SMPDL3B: variants seen among roughly 807,000 people sequenced by gnomAD.
SMPDL3B encodes sphingomyelin phosphodiesterase acid like 3B.
SMPDL3B carries 31 observed loss-of-function variants against 37.9 expected under a neutral mutation model. The observed-to-expected ratio is 0.82, with a 90% confidence interval of 0.61 to 1.10. The LOEUF (loss-of-function observed/expected upper bound fraction) is 1.10. Ranked by LOEUF, SMPDL3B falls within the 50% of genes least tolerant of loss-of-function variation. SMPDL3B has a pLI of 0.00. For missense variants in SMPDL3B, 525 were observed against 597.8 expected (o/e 0.88, Z 1.27); for synonymous variants, 235 against 242.6 (o/e 0.97, Z 0.29).
Position 27,945,217 on chromosome 1 carries a change from T to A in SMPDL3B, c.62-15T>A. 6.2e-7 allele frequency: 1 copy of A among 1,612,932 alleles called. No individual in the cohort carries two copies. Among genetic ancestry groups the A allele is most frequent in the Non-Finnish European group, 8.5e-7 (1 of 1,179,020 alleles). ...GAGAGACCAGCTTTGAAGGAGGATG[T>A]TTTTTCCCCTGCAGGGAAGTTCTGG... On this transcript the variant is annotated splice_polypyrimidine_tract_variant and intron_variant, in intron 1 of 7. Transcript: ENST00000373894. This position sits in a 1 kb window ranked among gnomAD's most constrained non-coding sequence, Gnocchi z 4.0.
Position 27,945,548 on chromosome 1 carries a change from A to G in SMPDL3B, c.275+103A>G. On this transcript the variant is annotated intron_variant, in intron 2 of 7. Coordinates refer to ENST00000373894, the MANE Select transcript of SMPDL3B (RefSeq NM_014474.4). This position sits in a 1 kb window ranked among gnomAD's most constrained non-coding sequence, Gnocchi z 4.0. ...CATTATCTCCCTTAATCCTCACATC[A>G]GTCTCACGTGAGGCTGAGGAACCTA... 1 of 955,256 alleles carries G rather than the reference A, an allele frequency of 1.0e-6. No individual in the cohort carries two copies. Among genetic ancestry groups the G allele is most frequent in the South Asian group, 1.4e-5 (1 of 70,346 alleles). The allele number at this position is 955,256 out of a possible 1,614,324, so 59.2% of individuals were successfully genotyped here.
chr1:27,935,742 G>T (rs890512893), intron 1 of SMPDL3B, among the ~76,000 whole-genome samples: 1 of 152,238 alleles, frequency 6.6e-6, no homozygotes, highest in Non-Finnish European at 1.5e-5. Context: ...AAGGCGGGTT[G>T]TGGGGAGGGG....
intron 3 of SMPDL3B, among the ~76,000 whole-genome samples, chr1:27,950,003 C>T (rs181076225): frequency 6.6e-6 from 1 of 152,298 alleles, no homozygotes; most frequent in East Asian, 1.9e-4. Context: ...CCTTCACTGT[C>T]ACCATAAGCC....
In SMPDL3B at chr1:27,954,438, A is replaced by G. The variant is rs758161657; in HGVS notation, c.602A>G (p.Asn201Ser). 29 of 1,614,116 alleles carry G rather than the reference A, an allele frequency of 1.8e-5. No homozygotes were observed. In the South Asian group the frequency reaches 3.1e-4, roughly 17 times the overall value. ...VLNTNLYYTS[N>S]ALTADMADPG... The stretch of plus-strand genomic sequence containing the variant: ...AACACCAATCTGTACTATACCAGCA[A>G]TGCGCTGACAGCAGACATGGCGGAC... Residue 201 changes from asparagine (N) to serine (S), a missense_variant, in exon 5 of 8, where the codon AAT (asparagine) becomes AGT (serine). Asn to Ser is a conservative substitution (Grantham distance 46). Transcript: ENST00000373894.
intron 4 of SMPDL3B, among the ~76,000 whole-genome samples, chr1:27,953,742 C>T (rs535049588): frequency 1.4e-4 from 22 of 152,242 alleles, no homozygotes; most frequent in Non-Finnish European, 2.6e-4. Flanking sequence ...ACAACTGCCA[C>T]GTGTGTTGCA....
At chr1:27,940,600 G>A (rs577471523) in intron 1 of SMPDL3B, among the ~76,000 whole-genome samples, 1 of 152,270 alleles carries the variant, frequency 6.6e-6, no homozygotes, top group South Asian at 2.1e-4. Context: ...TCCCAGGTCT[G>A]TGGCCTCAGC....
At chr1:27,956,500 T>C (rs1390253675) in intron 7 of SMPDL3B, 20 of 1,119,956 alleles carry the variant, frequency 1.8e-5, no homozygotes, top group Non-Finnish European at 1.5e-5. Context: ...TCCCACAGTC[T>C]GACTTCAAGC....
chr1:27,949,647 G>A (rs917358931), intron 3 of SMPDL3B, among the ~76,000 whole-genome samples: 1 of 152,320 alleles, frequency 6.6e-6, no homozygotes, highest in Non-Finnish European at 1.5e-5. Flanking sequence ...CAGGGACTGG[G>A]GGTGAGTGAG....
intron 7 of SMPDL3B, chr1:27,956,532 C>T (rs1638290431): frequency 9.4e-7 from 1 of 1,067,824 alleles, no homozygotes; most frequent in Non-Finnish European, 1.1e-6. Context: ...ATTTTCCGTA[C>T]ACAGACGAGG....
At chr1:27,948,823 G>C (rs2090431516) in intron 2 of SMPDL3B, among the ~76,000 whole-genome samples, 1 of 152,214 alleles carries the variant, frequency 6.6e-6, no homozygotes, top group Admixed American at 6.5e-5. Context: ...CAACATTACA[G>C]ATGAGTTAAT....
chr1:27,948,539 C>G (rs2090429518), intron 2 of SMPDL3B, among the ~76,000 whole-genome samples: 1 of 152,120 alleles, frequency 6.6e-6, no homozygotes, highest in Non-Finnish European at 1.5e-5. Context: ...AGGGCAGAAT[C>G]AGTATCTGCC....
chr1:27,942,238 C>T (rs746199789), intron 1 of SMPDL3B: 1 of 463,420 alleles, frequency 2.2e-6, no homozygotes, highest in South Asian at 1.6e-5. Context: ...AAAGAGCCAG[C>T]TTGAGGCAGG....
At chr1:27,942,417 GC>G in intron 1 of SMPDL3B, 2 of 459,200 alleles carry the variant, frequency 4.4e-6, no homozygotes, top group East Asian at 1.4e-4. Context: ...CAGCAACTCT[GC>G]CCACCAACTA....
intron 3 of SMPDL3B, among the ~76,000 whole-genome samples, chr1:27,949,397 C>T (rs1227411502): frequency 2.0e-5 from 3 of 152,210 alleles, no homozygotes; most frequent in Non-Finnish European, 4.4e-5. Flanking sequence ...AATGCCCAGC[C>T]TTTCACTGAC....
At chr1:27,949,795 C>T (rs1175792303) in intron 3 of SMPDL3B, among the ~76,000 whole-genome samples, 2 of 152,150 alleles carry the variant, frequency 1.3e-5, no homozygotes, top group African/African-American at 2.4e-5. Flanking sequence ...GCCAACTGGG[C>T]GCCTGAGAAA....
chr1:27,958,748 C>T lies in SMPDL3B; in HGVS notation c.1278C>T (p.Thr426=), dbSNP rs1638381551. 2 of 1,613,606 alleles carry T rather than the reference C, an allele frequency of 1.2e-6. No homozygotes were observed. The highest frequency in any genetic ancestry group is 1.3e-5 in the African/African-American group (1 of 75,072). Residue 426 remains threonine, a synonymous_variant, in exon 8 of 8, where the codon ACC becomes ACT. Coordinates refer to ENST00000373894, the MANE Select transcript of SMPDL3B (RefSeq NM_014474.4). The surrounding 1 kb of genome is among the most constrained non-coding windows in gnomAD (Gnocchi z 5.6). Reference sequence around the variant, plus strand: ...GCCAGGTGGACATTGACGCTTACACCACCTGTCTGTATGCCTCTGGCACCA... The same window carrying T: ...GCCAGGTGGACATTGACGCTTACACTACCTGTCTGTATGCCTCTGGCACCA... The part of the protein sequence containing the change: ...AMRQVDIDAY[T]TCLYASGTTP...
chr1:27,935,090 G>C lies in SMPDL3B; in HGVS notation c.-94G>C. The C allele has an allele frequency of 1.1e-6, 1 of 932,262 alleles. No individual in the cohort carries two copies. The highest frequency in any genetic ancestry group is 1.7e-6 in the Non-Finnish European group (1 of 582,112). The allele number at this position is 932,262 out of a possible 1,614,324, so 57.7% of individuals were successfully genotyped here. On this transcript the variant is annotated 5_prime_UTR_variant, in exon 1 of 8. Transcript: ENST00000373894. The stretch of plus-strand genomic sequence containing the variant: ...GTAACAGGACAAGGAGTTCTGCTCA[G>C]GCACGTGGCCACAGAAAACTACTTA...
In SMPDL3B at chr1:27,947,282, C is replaced by T. The variant is rs987478861; in HGVS notation, c.276-1783C>T. On this transcript the variant is annotated intron_variant, in intron 2 of 7. Transcript: ENST00000373894. ...AACTCCCGACCTCAGGTGATCTGCCCGCCTCAGCCTCCCAAAGTGCTGGGA... is the reference window on the plus strand; with the variant it reads ...AACTCCCGACCTCAGGTGATCTGCCTGCCTCAGCCTCCCAAAGTGCTGGGA... Among the ~76,000 whole-genome samples, 17 of 152,088 alleles carry T rather than the reference C, an allele frequency of 1.1e-4. No homozygotes were observed. The South Asian group carries it at 1.5e-3, about 13-fold the overall frequency.
chr1:27,941,204 C>T (rs921085186), intron 1 of SMPDL3B, among the ~76,000 whole-genome samples: 19 of 152,202 alleles, frequency 1.2e-4, no homozygotes, highest in African/African-American at 3.6e-4. Context: ...ACCTTCTGGG[C>T]GGCGGGGGGT....
Sources: allele counts gnomAD v4.1 joint callset (sites outside exome capture counted in the v4.1 genomes callset), GRCh38; gene constraint gnomAD v4.1.1; non-coding constraint Gnocchi (gnomAD v3.1); transcripts MANE v1.5; gene names NCBI Gene and HGNC (gene_info 2026-07-23, HGNC 2026-07-21).